The following ATG14 variants were observed in gnomAD, a reference collection of about 807,000 sequenced individuals.
ATG14 encodes beclin 1-associated autophagy-related key regulator.
In ATG14, 35 loss-of-function variants were observed where a neutral mutation model predicts 60.4. The ratio of observed to expected loss-of-function variants is 0.58; its 90% CI spans 0.44 to 0.77. The LOEUF (loss-of-function observed/expected upper bound fraction) is 0.77. Among genes scored for constraint, ATG14 ranks in the 30% least tolerant of loss-of-function variants. The probability of loss-of-function intolerance (pLI) is 0.00; values close to 1 mark genes in which losing one functional copy is unlikely to be tolerated. For synonymous variants in ATG14, 234 were observed against 228.8 expected (o/e 1.02, Z -0.21); for missense variants, 647 against 626.3 (o/e 1.03, Z -0.35).
intron 2 of ATG14, among the ~76,000 whole-genome samples, chr14:55,396,619 CA>C (rs1186539588): frequency 1.3e-5 from 2 of 152,102 alleles, no homozygotes; most frequent in African/African-American, 4.8e-5. Context: ...GGAGATGCCA[CA>C]AAAGAGACAA....
At chr14:55,374,339 A>G (rs1225668408) in intron 9 of ATG14, among the ~76,000 whole-genome samples, 1 of 152,196 alleles carries the variant, frequency 6.6e-6, no homozygotes, top group African/African-American at 2.4e-5. Context: ...CTGACTACTT[A>G]CATTTCTTGT....
At chr14:55,372,190 C>A (rs1312300973) in intron 9 of ATG14, among the ~76,000 whole-genome samples, 1 of 152,106 alleles carries the variant, frequency 6.6e-6, no homozygotes, top group Non-Finnish European at 1.5e-5. Flanking sequence ...TCCCACCTCC[C>A]ACTCTGTCTG....
In ATG14 at chr14:55,386,125, T is replaced by C. The variant is rs371493673; in HGVS notation, c.410-29A>G. The C allele has an allele frequency of 3.8e-6, 6 of 1,571,658 alleles. No individual in the cohort carries two copies. In the African/African-American group the frequency reaches 8.2e-5, roughly 21 times the overall value. On this transcript the variant is annotated intron_variant, in intron 4 of 9. Transcript: ENST00000247178. Reference sequence around the variant, plus strand: ...AAATAAATAAATCACACCCAACAATTATCTCTGCAAACAGTTCCTGTGTAC... The same window carrying C: ...AAATAAATAAATCACACCCAACAATCATCTCTGCAAACAGTTCCTGTGTAC...
rs748444940 is a variant in ATG14 at position 55,369,771 on chromosome 14, A to G, written c.1327T>C (p.Phe443Leu). The G allele has an allele frequency of 6.2e-7, 1 of 1,614,088 alleles. No homozygotes were observed. The highest frequency in any genetic ancestry group is 1.7e-5 in the Admixed American group (1 of 60,000). Residue 443 changes from phenylalanine (F) to leucine (L), a missense_variant, in exon 10 of 10, where the codon TTT (phenylalanine) becomes CTT (leucine). Physicochemically the swap from Phe to Leu is conservative, Grantham distance 22 (BLOSUM62 0). Coordinates refer to ENST00000247178, the MANE Select transcript of ATG14 (RefSeq NM_014924.5). ...ACAGACTGGGAAGGGATATCACAAA[A>G]CCGGGGACTAGGCAAGTTCTCCCAG... The part of the protein sequence containing the change: ...TDWENLPSPR[F>L]CDIPSQSVEV...
In ATG14 at chr14:55,395,873, A is replaced by G. The variant is rs185560688; in HGVS notation, c.327+67T>C. The G allele has an allele frequency of 2.1e-4, 244 of 1,177,544 alleles. 1 individual carries two copies. In the East Asian group the frequency reaches 6.3e-3, roughly 31 times the overall value. 72.9% of individuals were successfully genotyped at this position (1,177,544 alleles called of 1,614,324 possible). On this transcript the variant is annotated intron_variant, in intron 3 of 9. Coordinates refer to ENST00000247178, the MANE Select transcript of ATG14 (RefSeq NM_014924.5). ...TTTTTAAAAATTTTAATTAAAAATA[A>G]TTTTATAAGCTCTACCAACTTAAAA...
chr14:55,385,773 A>C (rs1196461376), intron 5 of ATG14, 86 bp downstream of exon 5: 2 of 1,149,058 alleles, frequency 1.7e-6, no homozygotes, highest in Non-Finnish European at 2.5e-6. Context: ...CCCTAGAATA[A>C]GACCCAATAA....
rs372306547 is a variant in ATG14 at position 55,411,607 on chromosome 14, C to A, written c.216G>T (p.Arg72=). ...GDFVYFDGRD[R]ERFIDKKERL... Reference sequence around the variant, plus strand: ...GGCCGTGGCGGCCGCCGTACCTCTCCCGGTCGCGGCCGTCGAAGTAGACGA... The same window carrying A: ...GGCCGTGGCGGCCGCCGTACCTCTCACGGTCGCGGCCGTCGAAGTAGACGA... Residue 72 remains arginine, a synonymous_variant, in exon 1 of 10, where the codon CGG becomes CGT. Coordinates refer to ENST00000247178, the MANE Select transcript of ATG14 (RefSeq NM_014924.5). The A allele has an allele frequency of 6.2e-7, 1 of 1,607,592 alleles. No homozygotes were observed. The highest frequency in any genetic ancestry group is 1.3e-5 in the African/African-American group (1 of 74,886).
intron 6 of ATG14, 150 bp from the exon 7 acceptor site, chr14:55,380,840 G>C (rs1261944146): frequency 4.3e-6 from 1 of 231,308 alleles, no homozygotes; most frequent in African/African-American, 3.4e-5. Context: ...GACATAAATG[G>C]TCCATTCTTT....
rs763099007 is a variant in ATG14, at chr14:55,382,168, T to A, written c.671A>T (p.Glu224Val). Residue 224 changes from glutamate (E) to valine (V), a missense_variant, in exon 6 of 10, where the codon GAG becomes GTG. Physicochemically the swap from Glu to Val is moderately radical, Grantham distance 121 (BLOSUM62 -2). Coordinates refer to ENST00000247178, the MANE Select transcript of ATG14 (RefSeq NM_014924.5). ...GCTGGAGGTCATGGCACTGTCACTC[T>A]CTGAAGACACATCTGCGGGGTCTCT... ...GVRDPADVSS[E>V]SDSAMTSSTV... The A allele has an allele frequency of 1.2e-6, 2 of 1,614,180 alleles. No homozygotes were observed. Among genetic ancestry groups the A allele is most frequent in the South Asian group, 1.1e-5 (1 of 91,080 alleles).
At chr14:55,405,086 G>A (rs866372909) in intron 1 of ATG14, among the ~76,000 whole-genome samples, 2 of 152,168 alleles carry the variant, frequency 1.3e-5, no homozygotes, top group South Asian at 2.1e-4. Flanking sequence ...CATGGGACAG[G>A]AATTGAGACC....
At chr14:55,388,719 G>C (rs1463128173) in intron 4 of ATG14, among the ~76,000 whole-genome samples, 1 of 152,172 alleles carries the variant, frequency 6.6e-6, no homozygotes, top group Admixed American at 6.5e-5. Context: ...ATGAGTCCGA[G>C]CATAGTTTCT....
Position 55,406,964 on chromosome 14 carries a change from CT to C in ATG14, c.221+4637del, listed in dbSNP as rs202011572. 5.1e-3 allele frequency among the ~76,000 whole-genome samples: 715 copies of C among 141,314 alleles called. 3 individuals carry two copies. Among genetic ancestry groups the C allele is most frequent in the African/African-American group, 0.01 (401 of 38,720 alleles). The allele number at this position is 141,314 out of a possible 152,430, so 92.7% of individuals were successfully genotyped here. ...TTTAGCCAAGAATTTTTGAGATTGT[CT>C]TTTTTTTTTTTTTTGAGATGGAGTC... On this transcript the variant is annotated intron_variant, in intron 1 of 9. Coordinates refer to ENST00000247178, the MANE Select transcript of ATG14 (RefSeq NM_014924.5).
intron 3 of ATG14, among the ~76,000 whole-genome samples, chr14:55,393,467 A>C (rs1367890919): frequency 6.6e-6 from 1 of 152,180 alleles, no homozygotes; most frequent in East Asian, 1.9e-4. Flanking sequence ...AGAAAAACAG[A>C]AAATGTGACT....
At chr14:55,379,815 C>T (rs74338202) in intron 7 of ATG14, among the ~76,000 whole-genome samples, 1,693 of 152,256 alleles carry the variant, frequency 0.011, 39 homozygotes, top group African/African-American at 0.039. Flanking sequence ...CTCCAGCTCC[C>T]GGATTCAAGC....
chr14:55,392,149 C>T (rs928057351), intron 3 of ATG14, among the ~76,000 whole-genome samples: 2 of 152,180 alleles, frequency 1.3e-5, no homozygotes, highest in Non-Finnish European at 2.9e-5. Context: ...AGATCCCTCG[C>T]ATGTGCAGTC....
At chr14:55,402,683 TTA>T (rs1392805351) in intron 1 of ATG14, among the ~76,000 whole-genome samples, 1 of 151,182 alleles carries the variant, frequency 6.6e-6, no homozygotes, top group Non-Finnish European at 1.5e-5. Flanking sequence ...TTTTTTAACT[TTA>T]TGTTAGAATA....
chr14:55,372,178 C>T (rs1025634448), intron 9 of ATG14, among the ~76,000 whole-genome samples: 4 of 152,054 alleles, frequency 2.6e-5, no homozygotes, highest in South Asian at 2.1e-4. Context: ...GGACTCCTCC[C>T]CTCCCACCTC....
intron 3 of ATG14, chr14:55,391,232 T>C (rs918813900): frequency 6.1e-6 from 2 of 328,962 alleles, no homozygotes; most frequent in Non-Finnish European, 1.1e-5. Context: ...TCGCAGCACT[T>C]TGGGAGGCCA....
At chr14:55,376,886 A>G (rs750023990) in intron 9 of ATG14, among the ~76,000 whole-genome samples, 1 of 152,244 alleles carries the variant, frequency 6.6e-6, no homozygotes, top group African/African-American at 2.4e-5. Flanking sequence ...AGGCTCGTAC[A>G]GTACATGCTT....
Sources: allele counts gnomAD v4.1 joint callset (sites outside exome capture counted in the v4.1 genomes callset), GRCh38; gene constraint gnomAD v4.1.1; transcripts MANE v1.5; gene names NCBI Gene and HGNC (gene_info 2026-07-23, HGNC 2026-07-21).